DLG3: variants seen among roughly 807,000 people sequenced by gnomAD.
DLG3 encodes disks large homolog 3.
In DLG3, 1 loss-of-function variant was observed where a neutral mutation model predicts 64.1. The ratio of observed to expected loss-of-function variants is 0.02; its 90% CI spans 0.01 to 0.07. The LOEUF (loss-of-function observed/expected upper bound fraction) is 0.07. DLG3 is among the 10% of genes least tolerant of loss of function. The pLI, the probability that DLG3 is intolerant of heterozygous loss-of-function variation, is 1.00. For missense variants in DLG3, 429 were observed against 669.5 expected (o/e 0.64, Z 3.96); for synonymous variants, 245 against 259.8 (o/e 0.94, Z 0.55).
At chrX:70,462,388 T>C (rs1158191625) in intron 9 of DLG3, among the ~76,000 whole-genome samples, 8 of 107,372 alleles carry the variant, frequency 7.5e-5, no homozygotes, top group Non-Finnish European at 1.3e-4. Context: ...TAGCTGGGAC[T>C]ACAGATGTGC....
chrX:70,461,059 A>G (rs1357537460), intron 9 of DLG3, among the ~76,000 whole-genome samples: 1 of 112,098 alleles, frequency 8.9e-6, no homozygotes, highest in African/African-American at 3.2e-5. Flanking sequence ...GGACATGTTT[A>G]TATTTCTCTT....
intron 9 of DLG3, among the ~76,000 whole-genome samples, chrX:70,464,206 TTTCCTTTC>T (rs2086849737): frequency 9.7e-6 from 1 of 103,383 alleles, no homozygotes; most frequent in African/African-American, 3.6e-5. Context: ...TTTCCTTTCC[TTTCCTTTC>T]CTTTCCTTTC....
chrX:70,478,618 A>G (rs950714323), intron 9 of DLG3, among the ~76,000 whole-genome samples: 2 of 111,538 alleles, frequency 1.8e-5, no homozygotes, highest in Non-Finnish European at 3.8e-5. Context: ...CTGGGTTCCA[A>G]TATCACCCCC....
At chrX:70,447,829 G>C (rs1232965909) in intron 1 of DLG3, among the ~76,000 whole-genome samples, 1 of 111,925 alleles carries the variant, frequency 8.9e-6, no homozygotes, top group African/African-American at 3.3e-5. Flanking sequence ...CACATGTCCT[G>C]TCTGGGAGGC....
chrX:70,481,222 T>A (rs1016164280), intron 10 of DLG3, among the ~76,000 whole-genome samples: 1 of 112,230 alleles, frequency 8.9e-6, no homozygotes, highest in African/African-American at 3.2e-5. Context: ...CTACACTTGG[T>A]TCCTTTTCTT....
intron 4 of DLG3, 91 bp from the exon 5 acceptor site, chrX:70,450,078 G>T: frequency 8.8e-7 from 1 of 1,135,543 alleles, no homozygotes; most frequent in Non-Finnish European, 1.2e-6. Flanking sequence ...GGGCCAGTGG[G>T]TTGGCTGGGG....
intron 9 of DLG3, among the ~76,000 whole-genome samples, chrX:70,474,707 A>T (rs5980946): frequency 0.064 from 7,171 of 111,644 alleles, 584 homozygotes; most frequent in African/African-American, 0.22. Flanking sequence ...TCCACTCACC[A>T]AGAGGACACC....
At chrX:70,475,459 G>T (rs2087039353) in intron 9 of DLG3, among the ~76,000 whole-genome samples, 1 of 111,353 alleles carries the variant, frequency 9.0e-6, no homozygotes, top group Non-Finnish European at 1.9e-5. Flanking sequence ...CCAGGTTCAA[G>T]CGATTCTCCT....
intron 9 of DLG3, among the ~76,000 whole-genome samples, chrX:70,475,462 A>G (rs763434976): frequency 2.9e-4 from 32 of 111,120 alleles, no homozygotes; most frequent in Non-Finnish European, 5.1e-4. Flanking sequence ...GGTTCAAGCG[A>G]TTCTCCTGCC....
chrX:70,501,437 G>C (rs186710566), intron 18 of DLG3, among the ~76,000 whole-genome samples: 94 of 110,323 alleles, frequency 8.5e-4, no homozygotes, highest in Admixed American at 2.1e-3. Flanking sequence ...GTGTGTGTGT[G>C]TGTGTAAGGT....
At chrX:70,497,942 G>A (rs922306199) in intron 13 of DLG3, among the ~76,000 whole-genome samples, 5 of 111,880 alleles carry the variant, frequency 4.5e-5, no homozygotes, top group Non-Finnish European at 9.4e-5. Flanking sequence ...TGCTAGGCTC[G>A]ACATGGGGCT....
At chrX:70,492,005 G>A (rs1367142731) in intron 10 of DLG3, 102 bp from the exon 11 acceptor site, 2 of 841,705 alleles carry the variant, frequency 2.4e-6, no homozygotes, top group East Asian at 6.8e-5. Flanking sequence ...CTGTGAGGCT[G>A]CTATGTCTGT....
chrX:70,444,917 T>C lies in DLG3; in HGVS notation c.-285T>C, dbSNP rs907067170. 4.1e-5 allele frequency: 8 copies of C among 192,898 alleles called. No homozygotes were observed. The highest frequency in any genetic ancestry group is 6.0e-5 in the African/African-American group (2 of 33,161). The allele number at this position is 192,898 out of a possible 1,213,427, so 15.9% of individuals were successfully genotyped here. On this transcript the variant is annotated 5_prime_UTR_variant, in exon 1 of 19. Coordinates refer to ENST00000374360, the MANE Select transcript of DLG3 (RefSeq NM_021120.4). ...CTCTGCTTGAGCTCCCGCTTCTTCT[T>C]TGCCGCTGGGCCTCGGCCCAGAAGC...
At chrX:70,487,707 A>T (rs908119617) in intron 10 of DLG3, among the ~76,000 whole-genome samples, 8 of 112,437 alleles carry the variant, frequency 7.1e-5, no homozygotes, top group Non-Finnish European at 1.5e-4. Context: ...GCTGGAGTGC[A>T]ATGGCGCGAT....
At chrX:70,461,520 C>A (rs1373864550) in intron 9 of DLG3, among the ~76,000 whole-genome samples, 1 of 109,820 alleles carries the variant, frequency 9.1e-6, no homozygotes. Flanking sequence ...AGGCTTTGGG[C>A]GTAGATAATT....
chrX:70,446,410 T>C lies in DLG3; in HGVS notation c.357+852T>C, dbSNP rs1007541651. On this transcript the variant is annotated intron_variant, in intron 1 of 18. Transcript: ENST00000374360. The stretch of plus-strand genomic sequence containing the variant: ...CTTTTGTCCAAGCAGCTCTGTAGTG[T>C]GTGTGCCGGGGTGGGGTGGCGGGGG... Among the ~76,000 whole-genome samples, 7 of 81,737 alleles carry C rather than the reference T, an allele frequency of 8.6e-5. No homozygotes were observed. In the Admixed American group the frequency reaches 1.1e-3, roughly 13 times the overall value. The allele number at this position is 81,737 out of a possible 115,157, so 71.0% of individuals were successfully genotyped here.
rs1440090650 is a variant in DLG3, at chrX:70,450,762, G to A, written c.964G>A (p.Ala322Thr). ...PGSLHLNDMY[A>T]PPDYASTFTA... The stretch of plus-strand genomic sequence containing the variant: ...CAGCCTCCACCTCAACGACATGTAC[G>A]CTCCCCCTGACTACGCCAGCAGTAC... Residue 322 changes from alanine (A) to threonine (T), a missense_variant, in exon 6 of 19, where the codon GCT becomes ACT. By Grantham distance (58) the Ala-to-Thr change is moderately conservative. Around this residue, in one of 9 missense-constraint regions of DLG3, gnomAD observed 54 missense variants for 54.4 expected, o/e 0.99. Coordinates refer to ENST00000374360, the MANE Select transcript of DLG3 (RefSeq NM_021120.4). 9.1e-6 allele frequency: 11 copies of A among 1,209,718 alleles called. No individual in the cohort carries two copies. Among genetic ancestry groups the A allele is most frequent in the Admixed American group, 2.2e-5 (1 of 45,739 alleles).
intron 9 of DLG3, chrX:70,455,058 C>G (rs762043304): frequency 1.3e-6 from 1 of 750,551 alleles, no homozygotes; most frequent in Non-Finnish European, 1.6e-6. Flanking sequence ...GCCCCGCCCC[C>G]TGACCCAGGA....
chrX:70,500,951 C>T lies in DLG3; in HGVS notation c.2309C>T (p.Ala770Val), dbSNP rs768402030. The T allele has an allele frequency of 2.5e-6, 3 of 1,202,631 alleles. No individual in the cohort carries two copies. The highest frequency in any genetic ancestry group is 1.7e-5 in the African/African-American group (1 of 57,366). The change falls in exon 18 of 19, where the codon GCC (alanine) becomes GTC (valine). Residue 770 changes from alanine to valine, a missense_variant. Physicochemically the swap from Ala to Val is moderately conservative, Grantham distance 64. Around this residue, in one of 9 missense-constraint regions of DLG3, gnomAD observed 48 missense variants for 69.5 expected, o/e 0.69. Transcript: ENST00000374360. The stretch of plus-strand genomic sequence containing the variant: ...CAAGCAAATAAGATCTATGACAAAG[C>T]CATGAAACTGGAGCAGGAATTTGGA... ...YEQANKIYDKAMKLEQEFGEY... is the reference protein window; with the variant it reads ...YEQANKIYDKVMKLEQEFGEY...
Sources: allele counts gnomAD v4.1 joint callset (sites outside exome capture counted in the v4.1 genomes callset), GRCh38; gene constraint gnomAD v4.1.1; regional missense constraint gnomAD v4.1.1; transcripts MANE v1.5; gene names NCBI Gene and HGNC (gene_info 2026-07-23, HGNC 2026-07-21).